The following TP53BP2 variants were observed in gnomAD, a reference collection of about 807,000 sequenced individuals.
TP53BP2 encodes apoptosis-stimulating of p53 protein 2.
Under a neutral mutation model 126.2 loss-of-function variants are expected in TP53BP2, and 62 were observed. The observed-to-expected ratio is 0.49, with a 90% CI of 0.40 to 0.61. The LOEUF (loss-of-function observed/expected upper bound fraction) is 0.61, where lower values mean the gene tolerates loss of function less well. Ranked by LOEUF, TP53BP2 falls within the 20% of genes least tolerant of loss-of-function variation. TP53BP2 has a pLI of 0.00. For synonymous variants in TP53BP2, 485 were observed against 502.9 expected (o/e 0.96, Z 0.48); for missense variants, 1,215 against 1,402.8 (o/e 0.87, Z 2.14).
chr1:223,814,888 T>C (rs1308672093), intron 2 of TP53BP2, among the ~76,000 whole-genome samples: 1 of 152,190 alleles, frequency 6.6e-6, no homozygotes, highest in Non-Finnish European at 1.5e-5. Flanking sequence ...TTTACTGCTG[T>C]AAAATGTATC....
At position 223,821,526 on chromosome 1, in the gene TP53BP2, G is replaced by T. The variant is rs952459839; in HGVS notation, c.28-159C>A. The T allele has an allele frequency of 1.8e-4, 169 of 950,964 alleles. 2 individuals are homozygous for T. In the South Asian group the frequency reaches 2.1e-3, roughly 12 times the overall value. The allele number at this position is 950,964 out of a possible 1,614,324, so 58.9% of individuals were successfully genotyped here. A position where few individuals can be genotyped will look rare whatever the true frequency, so the allele number is the denominator to read the frequency against. On this transcript the variant is annotated intron_variant, in intron 1 of 17. Transcript: ENST00000343537. ...GCCAAAGGTGAGGTGTGGACTGGGGGTTGAGGGAGACCTGGAGCCCAGCCC... is the reference window on the plus strand; with the variant it reads ...GCCAAAGGTGAGGTGTGGACTGGGGTTTGAGGGAGACCTGGAGCCCAGCCC...
At position 223,802,338 on chromosome 1, in the gene TP53BP2, A is replaced by G. The variant is rs1174280592; in HGVS notation, c.1003T>C (p.Ser335Pro). 8.7e-6 allele frequency: 14 copies of G among 1,613,890 alleles called. No homozygotes were observed. Among genetic ancestry groups the G allele is most frequent in the Non-Finnish European group, 1.0e-5 (12 of 1,179,970 alleles). ...LQQKENLPVS[S>P]DGNLPQQAAS... Reference sequence around the variant, plus strand: ...GCTTGCTGGGGAAGATTTCCATCAGATGAAACCTTAGGAAAGAAGCACAGG... The same window carrying G: ...GCTTGCTGGGGAAGATTTCCATCAGGTGAAACCTTAGGAAAGAAGCACAGG... Residue 335 changes from serine (S) to proline (P), a missense_variant, in exon 9 of 18, where the codon TCT becomes CCT. Transcript: ENST00000343537.
intron 5 of TP53BP2, 32 bp downstream of exon 5, chr1:223,806,814 C>T (rs1662734610): frequency 1.3e-6 from 2 of 1,562,744 alleles, no homozygotes; most frequent in Non-Finnish European, 8.8e-7. Flanking sequence ...ACAGAGTGAG[C>T]ATTCATCTCC....
intron 17 of TP53BP2, among the ~76,000 whole-genome samples, chr1:223,783,531 C>G (rs1661842431): frequency 6.6e-6 from 1 of 152,202 alleles, no homozygotes; most frequent in African/African-American, 2.4e-5. Context: ...AAGAGAACAG[C>G]TGAATCTATA....
rs1661747795 is a variant in TP53BP2, at chr1:223,780,856, G to C, written c.3402C>G (p.Ala1134=). The C allele has an allele frequency of 5.0e-6, 8 of 1,613,532 alleles. No homozygotes were observed. The Admixed American group carries it at 6.7e-5, about 13-fold the overall frequency. Residue 1134 remains alanine (A), a synonymous_variant, in exon 18 of 18, where the codon GCC becomes GCG. Coordinates refer to ENST00000343537, the MANE Select transcript of TP53BP2 (RefSeq NM_001031685.3). ...ACTAAAATTCTGTGTGGAAGTTTCA[G>C]GCCAAGCTCCTTTGTCTTGGTTTAA... is the stretch of plus-strand genomic sequence containing the variant. ...PRIKPRQRSL[A] is the part of the protein sequence containing the mutation.
chr1:223,798,467 G>A lies in TP53BP2; in HGVS notation c.1696C>T (p.Pro566Ser), dbSNP rs1280818432. ...QPRVLLSPSI[P>S]SVGQDQTLSP... ...AGGGTCTGGTCTTGGCCAACCGAAG[G>A]TATGCTGGGAGATAGCAGCACTCTC... is the stretch of plus-strand genomic sequence containing the variant. Residue 566 changes from proline to serine, a missense_variant, in exon 12 of 18, where the codon CCT (proline) becomes TCT (serine). By Grantham distance (74) the Pro-to-Ser change is moderately conservative. Coordinates refer to ENST00000343537, the MANE Select transcript of TP53BP2 (RefSeq NM_001031685.3). The A allele has an allele frequency of 6.2e-7, 1 of 1,614,186 alleles. No individual in the cohort carries two copies. Among genetic ancestry groups the A allele is most frequent in the Non-Finnish European group, 8.5e-7 (1 of 1,180,036 alleles).
chr1:223,835,435 T>G (rs564377953), intron 1 of TP53BP2, among the ~76,000 whole-genome samples: 3 of 152,268 alleles, frequency 2.0e-5, no homozygotes, highest in Non-Finnish European at 4.4e-5. Flanking sequence ...CAACTATTGA[T>G]AAGTTTAGTG....
chr1:223,803,182 C>A, intron 7 of TP53BP2, 89 bp downstream of exon 7: 1 of 1,447,914 alleles, frequency 6.9e-7, no homozygotes, highest in Non-Finnish European at 9.3e-7. Flanking sequence ...GGAAAGGCAA[C>A]TGAAATCTAG....
Position 223,814,269 on chromosome 1 carries a change from CGAAG to C in TP53BP2, c.256_259del (p.Leu86ValfsTer11). 6.2e-7 allele frequency: 1 copy of C among 1,613,810 alleles called. No homozygotes were observed. The highest frequency in any genetic ancestry group is 8.5e-7 in the Non-Finnish European group (1 of 1,179,752). ...GTCCCTGCCAGGGGGGCGTTCATGA[CGAAG>C]GAAGAAGCGAACTTCGTTCCTCTGA... On this transcript the variant is annotated frameshift_variant, in exon 3 of 18. Coordinates refer to ENST00000343537, the MANE Select transcript of TP53BP2 (RefSeq NM_001031685.3). LOFTEE classifies it high-confidence loss of function.
intron 2 of TP53BP2, among the ~76,000 whole-genome samples, chr1:223,819,086 A>C (rs1274340303): frequency 6.6e-6 from 1 of 151,668 alleles, no homozygotes; most frequent in Non-Finnish European, 1.5e-5. Context: ...CGGGAGGCTG[A>C]GGCAGGAGAA....
chr1:223,827,837 C>T (rs1029137561), intron 1 of TP53BP2, among the ~76,000 whole-genome samples: 1 of 151,982 alleles, frequency 6.6e-6, no homozygotes, highest in Non-Finnish European at 1.5e-5. Context: ...GCTGGTTTCA[C>T]TAACCTATCA....
chr1:223,822,599 G>A (rs1220115586), intron 1 of TP53BP2, among the ~76,000 whole-genome samples: 1 of 151,692 alleles, frequency 6.6e-6, no homozygotes, highest in East Asian at 1.9e-4. Context: ...AGTCCAGGAG[G>A]TCGCAGCTGT....
chr1:223,802,172 G>A lies in TP53BP2; in HGVS notation c.1169C>T (p.Pro390Leu), dbSNP rs771077531. The A allele has an allele frequency of 1.3e-5, 21 of 1,613,964 alleles. No homozygotes were observed. The highest frequency in any genetic ancestry group is 1.7e-5 in the Admixed American group (1 of 59,996). The stretch of plus-strand genomic sequence containing the variant: ...GTTGGGCAGTGTCTGTATTTTCATC[G>A]GCCCCTCTGAAGCCTGAATGACCAA... Reference protein sequence around the residue: ...GSLVIQASEGPMKIQTLPNMR... With the variant: ...GSLVIQASEGLMKIQTLPNMR... The change falls in exon 9 of 18, where the codon CCG becomes CTG. Residue 390 changes from proline to leucine, a missense_variant. Pro to Leu is a moderately conservative substitution (Grantham distance 98, BLOSUM62 -3). This residue lies in a region of TP53BP2 where 814 missense variants were observed against 853.0 expected (regional missense o/e 0.95). Coordinates refer to ENST00000343537, the MANE Select transcript of TP53BP2 (RefSeq NM_001031685.3).
intron 16 of TP53BP2, among the ~76,000 whole-genome samples, chr1:223,788,260 C>T (rs1344164155): frequency 6.6e-6 from 1 of 152,106 alleles, no homozygotes; most frequent in Non-Finnish European, 1.5e-5. Flanking sequence ...AGGGGTCTTC[C>T]AATCAACTGG....
chr1:223,824,830 G>A (rs552006847), intron 1 of TP53BP2, among the ~76,000 whole-genome samples: 5 of 151,626 alleles, frequency 3.3e-5, no homozygotes, highest in Non-Finnish European at 5.9e-5. Flanking sequence ...CTCTATCAGC[G>A]TCCTCTTTGC....
chr1:223,795,589 T>G (rs1363502277), intron 13 of TP53BP2, among the ~76,000 whole-genome samples: 3 of 152,204 alleles, frequency 2.0e-5, no homozygotes, highest in African/African-American at 7.2e-5. Context: ...TTTATAGGGA[T>G]AAGAACAAAA....
Position 223,780,910 on chromosome 1 carries a change from A to G in TP53BP2, c.3364-16T>C. The G allele has an allele frequency of 6.2e-7, 1 of 1,612,166 alleles. No individual in the cohort carries two copies. The highest frequency in any genetic ancestry group is 1.1e-5 in the South Asian group (1 of 90,526). ...TTGGGTACAGCTGCAAGAGAGTTTAAAAAATTTTACATACTATAATAGATG... is the reference window on the plus strand; with the variant it reads ...TTGGGTACAGCTGCAAGAGAGTTTAGAAAATTTTACATACTATAATAGATG... On this transcript the variant is annotated splice_polypyrimidine_tract_variant and intron_variant, in intron 17 of 17. Coordinates refer to ENST00000343537, the MANE Select transcript of TP53BP2 (RefSeq NM_001031685.3).
intron 1 of TP53BP2, among the ~76,000 whole-genome samples, chr1:223,832,017 CA>C (rs1029047388): frequency 6.6e-6 from 1 of 151,654 alleles, no homozygotes; most frequent in Admixed American, 6.6e-5. Flanking sequence ...TATTTCAGAT[CA>C]AAATCTGAAA....
intron 4 of TP53BP2, among the ~76,000 whole-genome samples, chr1:223,807,611 A>C (rs1165319432): frequency 6.6e-6 from 1 of 151,184 alleles, no homozygotes; most frequent in East Asian, 1.9e-4. Flanking sequence ...AGACTGCAGG[A>C]TTAAAAAAAA....
Sources: gnomAD v4.1 joint callset for allele counts (sites outside exome capture counted in the v4.1 genomes callset) on GRCh38, gnomAD v4.1.1 for gene constraint, gnomAD v4.1.1 regional missense constraint, MANE v1.5 for transcripts, NCBI Gene and HGNC (gene_info 2026-07-23, HGNC 2026-07-21) for gene names.